Variants in FAM83H observed in about 807,000 individuals in gnomAD.
FAM83H encodes the protein scaffolding CK1 anchoring protein H.
A neutral mutation model predicts 30.2 loss-of-function variants in FAM83H; 24 were observed. That is an observed-to-expected ratio of 0.79 (90% CI 0.57 to 1.12). The LOEUF (loss-of-function observed/expected upper bound fraction) is 1.12, where lower values mean the gene tolerates loss of function less well. Among genes scored for constraint, FAM83H ranks in the 50% most tolerant of loss-of-function variants. The probability of loss-of-function intolerance (pLI) is 0.00; values close to 1 mark genes in which losing one functional copy is unlikely to be tolerated. For synonymous variants in FAM83H, 1,013 were observed against 821.7 expected, an observed-to-expected ratio of 1.23 and a Z score of -3.98; for missense variants, 2,038 against 1,773.9, an observed-to-expected ratio of 1.15 and a Z score of -2.67.
chr8:143,731,304 G>T (rs1257935658), intron 1 of FAM83H: 1 of 982,980 alleles, frequency 1.0e-6, no homozygotes, highest in East Asian at 1.1e-4. Context: ...GGGAGACTGT[G>T]GGTAGGTCAC....
rs782294025 is a variant in FAM83H, at chr8:143,726,674, G to A, written c.2787C>T (p.Pro929=). ...VPERRSSPVP[P]VPERRGSLTL... ...TGAGGCTGCCCCTGCGCTCCGGCAC[G>A]GGGGGCACCGGACTGCTCCTGCGCT... Residue 929 remains proline (P), a synonymous_variant, in exon 5 of 5, where the codon CCC becomes CCT. Transcript: ENST00000388913. 2.1e-5 allele frequency: 33 copies of A among 1,595,734 alleles called. No individual in the cohort carries two copies. Among genetic ancestry groups the A allele is most frequent in the South Asian group, 1.6e-4 (14 of 90,182 alleles).
chr8:143,729,566 G>C (rs781839364), intron 2 of FAM83H, among the ~76,000 whole-genome samples: 11 of 152,210 alleles, frequency 7.2e-5, no homozygotes, highest in Non-Finnish European at 1.5e-4. Context: ...GAGAACCCTG[G>C]ATGAGGGTGG....
rs1554623373 is a variant in FAM83H, at chr8:143,728,410, G to A, written c.1051C>T (p.Leu351=). 6.5e-7 allele frequency: 1 copy of A among 1,548,042 alleles called. No homozygotes were observed. Among genetic ancestry groups the A allele is most frequent in the South Asian group, 1.2e-5 (1 of 84,006 alleles). Reference sequence around the variant, plus strand: ...GGCTCCTCCCGGCGGAAGGCCGACAGGAAGTGGCGGTCCGGGTCGAGGAAG... The same window carrying A: ...GGCTCCTCCCGGCGGAAGGCCGACAAGAAGTGGCGGTCCGGGTCGAGGAAG... ...PSFLDPDRHF[L]SAFRREEPPR... The change falls in exon 5 of 5, where the codon CTG becomes TTG. Residue 351 remains leucine, a synonymous_variant. Transcript: ENST00000388913.
In FAM83H at chr8:143,730,276, C is replaced by A. The variant is rs1818467959; in HGVS notation, c.307G>T (p.Ala103Ser). 6.2e-7 allele frequency: 1 copy of A among 1,613,544 alleles called. No homozygotes were observed. Among genetic ancestry groups the A allele is most frequent in the Non-Finnish European group, 8.5e-7 (1 of 1,180,016 alleles). The change falls in exon 2 of 5, where the codon GCC becomes TCC. Residue 103 changes from alanine (A) to serine (S), a missense_variant. Transcript: ENST00000388913. ...CAGCCCAAATCAAGCTCAGGCACGG[C>A]CTGGTCTGAGTTCACTGGCCAGTAT... ...GTYWPVNSDQ[A>S]VPELDLGWPL...
chr8:143,725,998 C>G lies in FAM83H; in HGVS notation c.3463G>C (p.Ala1155Pro). The change falls in exon 5 of 5, where the codon GCG becomes CCG. Residue 1155 changes from alanine (A) to proline (P), a missense_variant. Physicochemically the swap from Ala to Pro is conservative, Grantham distance 27. Coordinates refer to ENST00000388913, the MANE Select transcript of FAM83H (RefSeq NM_198488.5). The part of the protein sequence containing the change: ...ASSPGAGEGP[A>P]EEGTRDSKVG... ...TTGCTGTCCCTGGTGCCCTCCTCCG[C>G]GGGGCCTTCCCCTGCCCCAGGGCTG... is the stretch of plus-strand genomic sequence containing the variant. 1 of 1,613,056 alleles carries G rather than the reference C, an allele frequency of 6.2e-7. No homozygotes were observed. Among genetic ancestry groups the G allele is most frequent in the South Asian group, 1.1e-5 (1 of 91,074 alleles).
chr8:143,727,342 G>A lies in FAM83H; in HGVS notation c.2119C>T (p.Gln707Ter). 1 of 1,565,858 alleles carries A rather than the reference G, an allele frequency of 6.4e-7. No homozygotes were observed. Among genetic ancestry groups the A allele is most frequent in the South Asian group, 1.2e-5 (1 of 86,944 alleles). Residue 707 changes from glutamine to a stop codon, truncating the protein, a stop_gained, in exon 5 of 5, where the codon CAG (glutamine) becomes TAG (stop). Transcript: ENST00000388913. LOFTEE classifies it low-confidence loss of function (END_TRUNC). Reference protein sequence around the residue: ...AGAAAATEKVQLLHKEQTVSE... With the variant: ...AGAAAATEKV The stretch of plus-strand genomic sequence containing the variant: ...ACCGTCTGCTCCTTGTGCAGCAGCT[G>A]CACCTTCTCAGTGGCCGCCGCAGCC...
Position 143,726,334 on chromosome 8 carries a change from T to G in FAM83H, c.3127A>C (p.Ile1043Leu). 3 of 1,612,264 alleles carry G rather than the reference T, an allele frequency of 1.9e-6. No individual in the cohort carries two copies. Among genetic ancestry groups the G allele is most frequent in the Non-Finnish European group, 2.5e-6 (3 of 1,179,776 alleles). The change falls in exon 5 of 5, where the codon ATT becomes CTT. Residue 1043 changes from isoleucine (I) to leucine (L), a missense_variant. Physicochemically the swap from Ile to Leu is conservative, Grantham distance 5. Transcript: ENST00000388913. ...CCGTGGGCACTGATCTGCTCCAGAA[T>G]GGCCTTCGTGTCATCCCGAAGGTTG... ...SSNLRDDTKAILEQISAHGQK... is the reference protein window; with the variant it reads ...SSNLRDDTKALLEQISAHGQK...
chr8:143,732,700 G>A, intron 1 of FAM83H: 2 of 985,380 alleles, frequency 2.0e-6, no homozygotes, highest in Non-Finnish European at 2.4e-6. Flanking sequence ...CCTTTCATGG[G>A]TACGTGTCTC....
In FAM83H at chr8:143,727,627, C is replaced by A; in HGVS notation, c.1834G>T (p.Asp612Tyr). ...APMEAEAYED[D>Y]VLAPGGRAPA... is the part of the protein sequence containing the mutation. ...GCCCGGCCCCCGGGAGCCAGCACGT[C>A]GTCTTCGTAAGCCTCCGCTTCCATG... Residue 612 changes from aspartate (D) to tyrosine (Y), a missense_variant, in exon 5 of 5, where the codon GAC becomes TAC. Transcript: ENST00000388913. The A allele has an allele frequency of 6.3e-7, 1 of 1,580,866 alleles. No homozygotes were observed. The highest frequency in any genetic ancestry group is 1.1e-5 in the South Asian group (1 of 88,558).
At chr8:143,731,584 G>C (rs1259700263) in intron 1 of FAM83H, 18 of 985,248 alleles carry the variant, frequency 1.8e-5, no homozygotes, top group Non-Finnish European at 1.9e-5. Flanking sequence ...TCCTTCCCTT[G>C]GCCTACCTTT....
Position 143,724,461 on chromosome 8 carries a change from T to C in FAM83H, c.*1460A>G, listed in dbSNP as rs1554620893. On this transcript the variant is annotated 3_prime_UTR_variant, in exon 5 of 5. Coordinates refer to ENST00000388913, the MANE Select transcript of FAM83H (RefSeq NM_198488.5). Reference sequence around the variant, plus strand: ...GCTTTCTACACACGTGGTGCCAAAATGTGTCATTCTGAGTCAATTGCAATT... The same window carrying C: ...GCTTTCTACACACGTGGTGCCAAAACGTGTCATTCTGAGTCAATTGCAATT... 1.3e-5 allele frequency: 2 copies of C among 150,386 alleles called. No individual in the cohort carries two copies. The highest frequency in any genetic ancestry group is 4.9e-5 in the African/African-American group (2 of 40,960). 9.3% of individuals were successfully genotyped at this position (150,386 alleles called of 1,614,324 possible).
In FAM83H at chr8:143,724,747, A is replaced by T. The variant is rs1448695038; in HGVS notation, c.*1174T>A. The T allele has an allele frequency of 5.2e-5, 8 of 152,430 alleles. No individual in the cohort carries two copies. Among genetic ancestry groups the T allele is most frequent in the African/African-American group, 1.7e-4 (7 of 41,458 alleles). The allele number at this position is 152,430 out of a possible 1,614,324, so 9.4% of individuals were successfully genotyped here. ...TAAGCACTCCACAACCAGCCCTTCT[A>T]GCGCCTGGCTTGGGCCGGGCCTGTG... On this transcript the variant is annotated 3_prime_UTR_variant, in exon 5 of 5. Transcript: ENST00000388913.
In FAM83H at chr8:143,728,275, A is replaced by C; in HGVS notation, c.1186T>G (p.Phe396Val). 3 of 1,524,734 alleles carry C rather than the reference A, an allele frequency of 2.0e-6. No individual in the cohort carries two copies. The highest frequency in any genetic ancestry group is 8.8e-7 in the Non-Finnish European group (1 of 1,139,984). 94.5% of individuals were successfully genotyped at this position (1,524,734 alleles called of 1,614,324 possible). The change falls in exon 5 of 5, where the codon TTC becomes GTC. Residue 396 changes from phenylalanine to valine, a missense_variant. Physicochemically the swap from Phe to Val is conservative, Grantham distance 50. Transcript: ENST00000388913. ...PAGELAGARG[F>V]FQARHLEMDA... Reference sequence around the variant, plus strand: ...ATCTCCAGGTGCCGCGCCTGGAAGAAGCCCCGCGCGCCCGCGAGCTCCCCA... The same window carrying C: ...ATCTCCAGGTGCCGCGCCTGGAAGACGCCCCGCGCGCCCGCGAGCTCCCCA...
chr8:143,731,672 G>C (rs1818526016), intron 1 of FAM83H: 1 of 985,350 alleles, frequency 1.0e-6, no homozygotes, highest in African/African-American at 1.7e-5. Context: ...GGGCCCTGCA[G>C]GGCCTGCACT....
At position 143,728,258 on chromosome 8, in the gene FAM83H, G is replaced by A. The variant is rs782573297; in HGVS notation, c.1203C>T (p.His401=). 35 of 1,554,082 alleles carry A rather than the reference G, an allele frequency of 2.3e-5. 1 individual carries two copies. The Admixed American group carries it at 4.7e-4, about 21-fold the overall frequency. ...GCCGCTTGAAGGCGTCCATCTCCAG[G>A]TGCCGCGCCTGGAAGAAGCCCCGCG... The part of the protein sequence containing the change: ...AGARGFFQAR[H]LEMDAFKRHS... Residue 401 remains histidine, a synonymous_variant, in exon 5 of 5, where the codon CAC becomes CAT. Coordinates refer to ENST00000388913, the MANE Select transcript of FAM83H (RefSeq NM_198488.5).
In FAM83H at chr8:143,729,117, C is replaced by T. The variant is rs782648265; in HGVS notation, c.613-26G>A. On this transcript the variant is annotated intron_variant, in intron 3 of 4. Coordinates refer to ENST00000388913, the MANE Select transcript of FAM83H (RefSeq NM_198488.5). ...CTGGGGAGGGAGGGGAGTCAGATCT[C>T]TCCCACGGGTCCTCCCCAATCTCCC... 2.6e-5 allele frequency: 42 copies of T among 1,613,608 alleles called. No individual in the cohort carries two copies. In the South Asian group the frequency reaches 2.7e-4, roughly 11 times the overall value.
At chr8:143,731,876 G>A (rs1239005350) in intron 1 of FAM83H, 17 of 984,544 alleles carry the variant, frequency 1.7e-5, no homozygotes, top group East Asian at 2.3e-4. Flanking sequence ...GATGGGGAGC[G>A]CCCAGGGCCC....
chr8:143,724,315 C>T lies in FAM83H; in HGVS notation c.*1606G>A, dbSNP rs1175637817. Reference sequence around the variant, plus strand: ...CGGAACTGCTGCCTTTGTTTGGCGGCCTTGTTTCTTAAATCAGTTCCCTCT... The same window carrying T: ...CGGAACTGCTGCCTTTGTTTGGCGGTCTTGTTTCTTAAATCAGTTCCCTCT... On this transcript the variant is annotated 3_prime_UTR_variant, in exon 5 of 5. Transcript: ENST00000388913. 6.6e-6 allele frequency: 1 copy of T among 151,996 alleles called. No individual in the cohort carries two copies. Among genetic ancestry groups the T allele is most frequent in the African/African-American group, 2.4e-5 (1 of 41,354 alleles). The allele number at this position is 151,996 out of a possible 1,614,324, so 9.4% of individuals were successfully genotyped here.
Position 143,724,842 on chromosome 8 carries a change from G to GC in FAM83H, c.*1078dup, listed in dbSNP as rs1818219531. 1 of 152,580 alleles carries GC rather than the reference G, an allele frequency of 6.6e-6. No individual in the cohort carries two copies. The highest frequency in any genetic ancestry group is 6.5e-5 in the Admixed American group (1 of 15,288). 9.5% of individuals were successfully genotyped at this position (152,580 alleles called of 1,614,324 possible). On this transcript the variant is annotated 3_prime_UTR_variant, in exon 5 of 5. Transcript: ENST00000388913. ...GTTTTACTGTGCTGCAAAGGCCAAT[G>GC]CCCCCTCCCCACTCTCACCCAGTGC...
Sources: gnomAD v4.1 joint callset for allele counts (sites outside exome capture counted in the v4.1 genomes callset) on GRCh38, gnomAD v4.1.1 for gene constraint, MANE v1.5 for transcripts, NCBI Gene and HGNC (gene_info 2026-07-23, HGNC 2026-07-21) for gene names.